Variants in SLC25A21 observed in about 807,000 individuals in gnomAD.
The protein encoded by SLC25A21 is solute carrier family 25 member 21.
SLC25A21 carries 47 observed loss-of-function variants against 43.8 expected under a neutral mutation model. The observed-to-expected ratio is 1.07, with a 90% confidence interval of 0.85 to 1.37. SLC25A21 has a LOEUF of 1.37. SLC25A21 is among the 40% of genes most tolerant of loss of function. SLC25A21 has a pLI of 0.00. For missense variants in SLC25A21, 352 were observed against 350.2 expected, an observed-to-expected ratio of 1.00 and a Z score of -0.04; for synonymous variants, 131 against 121.3, an observed-to-expected ratio of 1.08 and a Z score of -0.52.
chr14:36,898,470 C>T (rs539033539), intron 1 of SLC25A21, among the ~76,000 whole-genome samples: 1 of 152,286 alleles, frequency 6.6e-6, no homozygotes, highest in Admixed American at 6.5e-5. Context: ...TTCCCTGACC[C>T]CTTGTGCTTC....
chr14:37,083,942 T>C (rs892496026), intron 1 of SLC25A21, among the ~76,000 whole-genome samples: 8 of 152,256 alleles, frequency 5.3e-5, no homozygotes, highest in South Asian at 2.1e-4. Flanking sequence ...ATCATCACCG[T>C]TGACTTTTTG....
Position 36,680,574 on chromosome 14 carries a change from C to T in SLC25A21, c.*84G>A. The T allele has an allele frequency of 3.3e-6, 5 of 1,509,464 alleles. No homozygotes were observed. Among genetic ancestry groups the T allele is most frequent in the East Asian group, 4.9e-5 (2 of 41,008 alleles). The allele number at this position is 1,509,464 out of a possible 1,614,324, so 93.5% of individuals were successfully genotyped here. ...AGTTTTCTCCTTCATAATTATACAC[C>T]TGGCCGATCGATAGTCTCTCTTCTT... On this transcript the variant is annotated 3_prime_UTR_variant, in exon 10 of 10. Transcript: ENST00000331299.
intron 1 of SLC25A21, among the ~76,000 whole-genome samples, chr14:36,967,120 C>T (rs1959635009): frequency 6.6e-6 from 1 of 152,116 alleles, no homozygotes; most frequent in South Asian, 2.1e-4. Flanking sequence ...AGAATGAAAT[C>T]ACAAGATTTA....
At chr14:36,692,597 T>C (rs1882837426) in intron 7 of SLC25A21, among the ~76,000 whole-genome samples, 1 of 151,906 alleles carries the variant, frequency 6.6e-6, no homozygotes, top group South Asian at 2.1e-4. Flanking sequence ...ATCTCAGAGG[T>C]CTTTGTGATT....
At chr14:37,140,655 T>A (rs560868319) in intron 1 of SLC25A21, among the ~76,000 whole-genome samples, 5 of 152,238 alleles carry the variant, frequency 3.3e-5, no homozygotes, top group Non-Finnish European at 7.3e-5. Flanking sequence ...GAAAAACAGA[T>A]ACTGAATGTT....
chr14:36,929,317 A>G (rs1028925786), intron 1 of SLC25A21, among the ~76,000 whole-genome samples: 1 of 152,170 alleles, frequency 6.6e-6, no homozygotes. Context: ...TTCTAACAAA[A>G]AGATAGAAAA....
chr14:36,824,463 C>T (rs1888749161), intron 2 of SLC25A21, among the ~76,000 whole-genome samples: 2 of 152,110 alleles, frequency 1.3e-5, no homozygotes. Context: ...CCCAAACTGA[C>T]AAACAAATGG....
intron 1 of SLC25A21, among the ~76,000 whole-genome samples, chr14:37,055,208 A>C (rs1241983190): frequency 6.6e-6 from 1 of 152,216 alleles, no homozygotes; most frequent in Non-Finnish European, 1.5e-5. Context: ...TACACCTGAG[A>C]AATTAAACCC....
At chr14:36,687,630 C>G (rs1189810981) in intron 7 of SLC25A21, among the ~76,000 whole-genome samples, 1 of 152,186 alleles carries the variant, frequency 6.6e-6, no homozygotes, top group Admixed American at 6.5e-5. Flanking sequence ...ACACAGCCTG[C>G]TTGAATCCAG....
chr14:36,966,995 T>C (rs945042259), intron 1 of SLC25A21, among the ~76,000 whole-genome samples: 11 of 152,180 alleles, frequency 7.2e-5, no homozygotes, highest in African/African-American at 2.4e-4. Context: ...AATATATATA[T>C]GTATATCCCC....
intron 1 of SLC25A21, among the ~76,000 whole-genome samples, chr14:36,877,082 T>C (rs1352041811): frequency 6.6e-6 from 1 of 152,112 alleles, no homozygotes; most frequent in Non-Finnish European, 1.5e-5. Context: ...TACCACACAC[T>C]GTAGCAGAAA....
intron 1 of SLC25A21, among the ~76,000 whole-genome samples, chr14:37,093,377 A>G (rs1252118699): frequency 6.6e-6 from 1 of 152,218 alleles, no homozygotes; most frequent in Non-Finnish European, 1.5e-5. Context: ...AGGATAATGA[A>G]TAGAACTGAA....
At chr14:36,703,690 T>C (rs973945265) in intron 7 of SLC25A21, among the ~76,000 whole-genome samples, 3 of 152,196 alleles carry the variant, frequency 2.0e-5, no homozygotes, top group African/African-American at 7.2e-5. Flanking sequence ...ATTTTATTTA[T>C]GGAAACATAT....
chr14:37,005,667 A>G (rs1417046816), intron 1 of SLC25A21, among the ~76,000 whole-genome samples: 1 of 151,930 alleles, frequency 6.6e-6, no homozygotes, highest in Non-Finnish European at 1.5e-5. Context: ...AACATATTGT[A>G]TATCTTTCAT....
chr14:36,909,979 A>C (rs534172355), intron 1 of SLC25A21, among the ~76,000 whole-genome samples: 1 of 152,314 alleles, frequency 6.6e-6, no homozygotes, highest in African/African-American at 2.4e-5. Context: ...TCAGAGCATT[A>C]AAGAGGGTGC....
chr14:37,135,266 G>A (rs191175621), intron 1 of SLC25A21, among the ~76,000 whole-genome samples: 1 of 151,880 alleles, frequency 6.6e-6, no homozygotes, highest in Non-Finnish European at 1.5e-5. Flanking sequence ...GGGAATGGTG[G>A]TGTTCACCTG....
At chr14:36,910,421 C>T (rs1191378544) in intron 1 of SLC25A21, among the ~76,000 whole-genome samples, 2 of 152,168 alleles carry the variant, frequency 1.3e-5, no homozygotes, top group East Asian at 3.9e-4. Flanking sequence ...CAGGACCTCA[C>T]CATATTTCTA....
chr14:36,991,322 A>G (rs1230820102), intron 1 of SLC25A21, among the ~76,000 whole-genome samples: 1 of 152,164 alleles, frequency 6.6e-6, no homozygotes, highest in African/African-American at 2.4e-5. Context: ...TGATTCCTCA[A>G]GCTTCACACC....
chr14:36,774,107 A>G (rs960394631), intron 3 of SLC25A21, among the ~76,000 whole-genome samples: 1 of 152,236 alleles, frequency 6.6e-6, no homozygotes, highest in African/African-American at 2.4e-5. Flanking sequence ...TTCCCCCAAT[A>G]GCACGTCCCC....
Sources: allele counts gnomAD v4.1 joint callset (sites outside exome capture counted in the v4.1 genomes callset), GRCh38; gene constraint gnomAD v4.1.1; transcripts MANE v1.5; gene names NCBI Gene and HGNC (gene_info 2026-07-23, HGNC 2026-07-21).